ADGRL2: variants seen among roughly 807,000 people sequenced by gnomAD.
ADGRL2 encodes calcium-independent alpha-latrotoxin receptor 2.
Under a neutral mutation model 157.4 loss-of-function variants are expected in ADGRL2, and 44 were observed. The ratio of observed to expected loss-of-function variants is 0.28; its 90% CI spans 0.22 to 0.36. The LOEUF (loss-of-function observed/expected upper bound fraction) is 0.36. Among genes scored for constraint, ADGRL2 ranks in the 10% least tolerant of loss-of-function variants. The pLI is 1.00. For synonymous variants in ADGRL2, 585 were observed against 624.7 expected (o/e 0.94, Z 0.95); for missense variants, 1,510 against 1,768.9 (o/e 0.85, Z 2.63).
chr1:81,974,658 T>C (rs1490293413), intron 17 of ADGRL2, among the ~76,000 whole-genome samples: 1 of 152,150 alleles, frequency 6.6e-6, no homozygotes, highest in Non-Finnish European at 1.5e-5. Flanking sequence ...CATATCCATG[T>C]CAGCACTGCA....
intron 2 of ADGRL2, among the ~76,000 whole-genome samples, chr1:81,556,904 C>CT (rs2080293003): frequency 6.6e-6 from 1 of 151,408 alleles, no homozygotes; most frequent in Non-Finnish European, 1.5e-5. Context: ...GGTGAAACCC[C>CT]ATCTCTACTA....
intron 2 of ADGRL2, among the ~76,000 whole-genome samples, chr1:81,778,876 C>G (rs576586911): frequency 9.2e-5 from 14 of 152,256 alleles, no homozygotes; most frequent in African/African-American, 3.4e-4. Context: ...TAGCTCTACA[C>G]GTTTGTAGTT....
Position 81,990,565 on chromosome 1 carries a change from T to C in ADGRL2, c.3830T>C (p.Leu1277Ser). The C allele has an allele frequency of 6.2e-7, 1 of 1,614,144 alleles. No homozygotes were observed. The highest frequency in any genetic ancestry group is 8.5e-7 in the Non-Finnish European group (1 of 1,180,018). ...TAFEKMIISELVHNNLRGSSK... is the reference protein window; with the variant it reads ...TAFEKMIISESVHNNLRGSSK... ...TTTGAGAAAATGATCATTTCAGAAT[T>C]AGTGCACAACAACTTACGGGGCAGC... is the stretch of plus-strand genomic sequence containing the variant. The change falls in exon 24 of 24, where the codon TTA (leucine) becomes TCA (serine). Residue 1277 changes from leucine (L) to serine (S), a missense_variant. By Grantham distance (145) the Leu-to-Ser change is moderately radical. Coordinates refer to ENST00000686636, the MANE Select transcript of ADGRL2 (RefSeq NM_001366006.2).
At chr1:81,448,790 C>G (rs1271855603) in intron 2 of ADGRL2, among the ~76,000 whole-genome samples, 6 of 152,090 alleles carry the variant, frequency 3.9e-5, no homozygotes, top group African/African-American at 4.8e-5. Flanking sequence ...AAAGGCTAAG[C>G]TAAGTTTAAC....
Position 81,458,974 on chromosome 1 carries a change from C to T in ADGRL2, c.-248+13885C>T, listed in dbSNP as rs148651891. Among the ~76,000 whole-genome samples, 577 of 152,192 alleles carry T rather than the reference C, an allele frequency of 3.8e-3. 1 individual carries two copies. The highest frequency in any genetic ancestry group is 0.017 in the Middle Eastern group (5 of 294). ...TGAGTGGGGCAGAGAATAATTTTAT[C>T]GAGTGACAGAAGGAAAGCTCTCAGT... On this transcript the variant is annotated intron_variant, in intron 2 of 24. Transcript: ENST00000370721.
intron 1 of ADGRL2, among the ~76,000 whole-genome samples, chr1:81,399,872 T>G (rs535352522): frequency 1.8e-4 from 28 of 152,298 alleles, no homozygotes; most frequent in African/African-American, 6.3e-4. Context: ...CCTGTAGCCC[T>G]GTGTTGATGT....
At chr1:81,677,852 A>G (rs900177941) in intron 3 of ADGRL2, among the ~76,000 whole-genome samples, 1 of 152,156 alleles carries the variant, frequency 6.6e-6, no homozygotes, top group Admixed American at 6.5e-5. Flanking sequence ...AACAGAATTT[A>G]ATCTCCCTAA....
chr1:81,566,041 G>C (rs959477317), intron 2 of ADGRL2, among the ~76,000 whole-genome samples: 1 of 152,106 alleles, frequency 6.6e-6, no homozygotes, highest in Admixed American at 6.6e-5. Context: ...ACTATAAATG[G>C]AGGAAGAAAA....
chr1:81,502,127 C>T, intron 2 of ADGRL2: 1 of 1,598,216 alleles, frequency 6.3e-7, no homozygotes. Context: ...GAAAGAAACC[C>T]AGGCTGCTTC....
At chr1:81,945,003 A>C (rs1649333420) in intron 6 of ADGRL2, among the ~76,000 whole-genome samples, 1 of 152,032 alleles carries the variant, frequency 6.6e-6, no homozygotes, top group Admixed American at 6.6e-5. Flanking sequence ...CCACTGACTT[A>C]GTGTACATCC....
chr1:81,733,734 A>G (rs984121077), intron 1 of ADGRL2, among the ~76,000 whole-genome samples: 1 of 152,154 alleles, frequency 6.6e-6, no homozygotes, highest in South Asian at 2.1e-4. Context: ...AGCTCTGTGC[A>G]CTTGGAACTT....
rs1051296563 is a variant in ADGRL2, at chr1:81,684,036, C to G, written c.-142-77775C>G. Among the ~76,000 whole-genome samples, 30 of 152,000 alleles carry G rather than the reference C, an allele frequency of 2.0e-4. 1 individual carries two copies. Among genetic ancestry groups the G allele is most frequent in the African/African-American group, 6.3e-4 (26 of 41,388 alleles). ...TTCACCATGTTGGTCAGGCTGGTCTCGAACTCCTGACCTCGTGATCCGCCT... is the reference window on the plus strand; with the variant it reads ...TTCACCATGTTGGTCAGGCTGGTCTGGAACTCCTGACCTCGTGATCCGCCT... On this transcript the variant is annotated intron_variant, in intron 3 of 24. Coordinates refer to the ADGRL2 transcript ENST00000370721.
chr1:81,503,315 T>C (rs1570305937), intron 2 of ADGRL2: 10 of 1,614,142 alleles, frequency 6.2e-6, no homozygotes, highest in Non-Finnish European at 8.5e-6. Context: ...GGTGTGCTGT[T>C]TGCCCAGAAG....
intron 17 of ADGRL2, among the ~76,000 whole-genome samples, chr1:81,975,384 T>C (rs1358276347): frequency 6.6e-6 from 1 of 152,064 alleles, no homozygotes; most frequent in Non-Finnish European, 1.5e-5. Context: ...TTAAACTTCG[T>C]AGTATTTACA....
intron 2 of ADGRL2, among the ~76,000 whole-genome samples, chr1:81,852,447 A>T (rs562287472): frequency 3.3e-5 from 5 of 152,144 alleles, no homozygotes; most frequent in African/African-American, 4.8e-5. Flanking sequence ...AAAAATTTTT[A>T]AAAAGCTGTA....
chr1:81,668,458 C>G (rs537229712), intron 3 of ADGRL2, among the ~76,000 whole-genome samples: 203 of 151,644 alleles, frequency 1.3e-3, no homozygotes, highest in African/African-American at 4.6e-3. Flanking sequence ...ATAGCTTGCC[C>G]CCTTGTGTAT....
chr1:81,418,384 A>G (rs2077068224), intron 1 of ADGRL2, among the ~76,000 whole-genome samples: 1 of 152,248 alleles, frequency 6.6e-6, no homozygotes, highest in Admixed American at 6.5e-5. Flanking sequence ...TAGAACTCCT[A>G]TAAATTTTGA....
chr1:81,717,384 C>T lies in ADGRL2; in HGVS notation c.-143+17576C>T, dbSNP rs760853016. 8.2e-4 allele frequency among the ~76,000 whole-genome samples: 125 copies of T among 152,294 alleles called. 1 individual carries two copies. The highest frequency in any genetic ancestry group is 3.4e-3 in the Middle Eastern group (1 of 294). On this transcript the variant is annotated intron_variant, in intron 1 of 20. Coordinates refer to the ADGRL2 transcript ENST00000359929. Reference sequence around the variant, plus strand: ...GCATCATCATGCTTTGACTTTTCACCATCAAAATTCATCTATCAGTGAGAC... The same window carrying T: ...GCATCATCATGCTTTGACTTTTCACTATCAAAATTCATCTATCAGTGAGAC...
chr1:81,555,347 C>T (rs1286895266), intron 2 of ADGRL2, among the ~76,000 whole-genome samples: 1 of 148,452 alleles, frequency 6.7e-6, no homozygotes, highest in African/African-American at 2.5e-5. Context: ...TGGCTCACTG[C>T]AACCTCTGTC....
Sources: gnomAD v4.1 joint callset for allele counts (sites outside exome capture counted in the v4.1 genomes callset) on GRCh38, gnomAD v4.1.1 for gene constraint, MANE v1.5 for transcripts, NCBI Gene and HGNC (gene_info 2026-07-23, HGNC 2026-07-21) for gene names.